The following ZPBP variants were observed in gnomAD, a reference collection of about 807,000 sequenced individuals.
ZPBP encodes zona pellucida-binding protein 1.
Under a neutral mutation model 44.8 loss-of-function variants are expected in ZPBP, and 26 were observed. That is an observed-to-expected ratio of 0.58 (90% CI 0.43 to 0.81). The LOEUF is 0.81. Ranked by LOEUF, ZPBP falls within the 30% of genes least tolerant of loss-of-function variation. The pLI, the probability that ZPBP is intolerant of heterozygous loss-of-function variation, is 0.00. For missense variants in ZPBP, 409 were observed against 434.0 expected, an observed-to-expected ratio of 0.94 and a Z score of 0.51; for synonymous variants, 174 against 153.2, an observed-to-expected ratio of 1.14 and a Z score of -1.00.
chr7:50,009,547 C>T (rs1742126962), intron 6 of ZPBP, among the ~76,000 whole-genome samples: 1 of 151,952 alleles, frequency 6.6e-6, no homozygotes, highest in East Asian at 1.9e-4. Flanking sequence ...GCCCCTATCT[C>T]TAGGGCTGGT....
chr7:49,966,777 G>A (rs572887866), intron 7 of ZPBP, among the ~76,000 whole-genome samples: 2 of 152,212 alleles, frequency 1.3e-5, no homozygotes, highest in Admixed American at 1.3e-4. Context: ...GATTAGTTTT[G>A]TGATTCACAG....
chr7:49,855,395 A>T (rs150822684), intron 2 of ZPBP, among the ~76,000 whole-genome samples: 1 of 151,978 alleles, frequency 6.6e-6, no homozygotes, highest in African/African-American at 2.4e-5. Context: ...CATGACAGGG[A>T]CCTTGTCAGC....
rs564418230 is a variant in ZPBP at position 49,931,289 on chromosome 7, G to A, written n.411+4462C>T. ...CGTGGAAGCTTTGGAACTAGGTAAC[G>A]GGCAGAGGTTGGGACAGTTTGGAGG... On this transcript the variant is annotated intron_variant and non_coding_transcript_variant, in intron 1 of 2. Coordinates refer to the ZPBP transcript ENST00000465922. Among the ~76,000 whole-genome samples, 7 of 152,304 alleles carry A rather than the reference G, an allele frequency of 4.6e-5. No homozygotes were observed. In the East Asian group the frequency reaches 9.6e-4, roughly 21 times the overall value.
intron 3 of ZPBP, among the ~76,000 whole-genome samples, chr7:50,067,275 C>A (rs1181930113): frequency 6.6e-6 from 1 of 152,174 alleles, no homozygotes; most frequent in Non-Finnish European, 1.5e-5. Context: ...TTTGGGGGCC[C>A]ATACAGCATT....
chr7:50,092,953 T>C, intron 1 of ZPBP, 115 bp downstream of exon 1: 9 of 1,407,368 alleles, frequency 6.4e-6, no homozygotes, highest in Non-Finnish European at 8.4e-6. Context: ...CACGTATTAG[T>C]GAGCAAGGTG....
intron 6 of ZPBP, among the ~76,000 whole-genome samples, chr7:49,986,818 C>T (rs1472409964): frequency 6.6e-6 from 1 of 152,140 alleles, no homozygotes; most frequent in Non-Finnish European, 1.5e-5. Context: ...GAGTGGTTCA[C>T]ATGTCTTTAC....
chr7:49,903,297 A>G (rs954580403), intron 1 of ZPBP, among the ~76,000 whole-genome samples: 1 of 152,206 alleles, frequency 6.6e-6, no homozygotes, highest in Non-Finnish European at 1.5e-5. Flanking sequence ...CACAGAAAAT[A>G]TTCAGCTTTA....
chr7:49,850,220 G>A (rs758420995), downstream of ZPBP, among the ~76,000 whole-genome samples: 11 of 152,158 alleles, frequency 7.2e-5, 1 homozygote, highest in Non-Finnish European at 1.5e-5. Flanking sequence ...ATCAATGAAG[G>A]TTTGACTGTA....
At chr7:50,001,916 A>AT (rs922994574) in intron 6 of ZPBP, among the ~76,000 whole-genome samples, 1 of 151,998 alleles carries the variant, frequency 6.6e-6, no homozygotes, top group African/African-American at 2.4e-5. Flanking sequence ...GTATGCATGT[A>AT]TTTTTTTTAC....
At chr7:49,872,915 C>CAAAAAAAAAAA (rs61473396) in intron 2 of ZPBP, among the ~76,000 whole-genome samples, 27 of 33,956 alleles carry the variant, frequency 8.0e-4, no homozygotes, top group Non-Finnish European at 1.1e-3. Flanking sequence ...GACTTTGTCT[C>CAAAAAAAAAAA]AAAAAAAAAA....
intron 4 of ZPBP, among the ~76,000 whole-genome samples, chr7:50,038,626 G>T (rs576513090): frequency 5.2e-4 from 79 of 152,196 alleles, no homozygotes; most frequent in Non-Finnish European, 1.0e-3. Context: ...ATACATCAGA[G>T]GCTTCACCTA....
chr7:49,940,640 T>C (rs1368292096), intron 7 of ZPBP: 6 of 437,248 alleles, frequency 1.4e-5, no homozygotes, highest in Non-Finnish European at 1.8e-5. Context: ...TCTACAGCAA[T>C]TAAGTTCTGA....
At chr7:49,845,151 C>G in the ZPBP span, among the ~76,000 whole-genome samples, 2 of 152,148 alleles carry the variant, frequency 1.3e-5, no homozygotes, top group South Asian at 2.1e-4. Context: ...GAAGGGAGAG[C>G]ATCAGGAAGA....
intron 7 of ZPBP, among the ~76,000 whole-genome samples, chr7:49,948,024 T>G (rs146810541): frequency 8.7e-4 from 132 of 152,320 alleles, no homozygotes; most frequent in African/African-American, 3.0e-3. Context: ...CAATGTTCAC[T>G]CGAGGCCCAA....
At chr7:50,039,546 A>G (rs1799972956) in intron 4 of ZPBP, among the ~76,000 whole-genome samples, 1 of 152,192 alleles carries the variant, frequency 6.6e-6, no homozygotes. Flanking sequence ...GAATTTATAT[A>G]TAACATATAA....
intron 7 of ZPBP, among the ~76,000 whole-genome samples, chr7:49,955,544 G>A (rs575694289): frequency 1.3e-5 from 2 of 151,888 alleles, no homozygotes; most frequent in African/African-American, 4.8e-5. Flanking sequence ...GCAAGAGAGC[G>A]AGACTCTGTC....
intron 3 of ZPBP, among the ~76,000 whole-genome samples, chr7:50,069,911 A>G (rs1801748711): frequency 2.0e-5 from 3 of 152,062 alleles, no homozygotes; most frequent in Non-Finnish European, 4.4e-5. Flanking sequence ...CTTGGAGCAC[A>G]CAGACCATGC....
chr7:49,946,570 T>G (rs1222243039), intron 7 of ZPBP, among the ~76,000 whole-genome samples: 1 of 152,142 alleles, frequency 6.6e-6, no homozygotes, highest in Non-Finnish European at 1.5e-5. Context: ...TGCTCACAAA[T>G]GTACTGGAGC....
chr7:49,892,197 A>C (rs2128731024), intron 2 of ZPBP, among the ~76,000 whole-genome samples: 1 of 151,182 alleles, frequency 6.6e-6, no homozygotes, highest in Non-Finnish European at 1.5e-5. Context: ...GGCGCCCACC[A>C]TCACGCCCGG....
Sources: gnomAD v4.1 joint callset for allele counts (sites outside exome capture counted in the v4.1 genomes callset) on GRCh38, gnomAD v4.1.1 for gene constraint, MANE v1.5 for transcripts, NCBI Gene and HGNC (gene_info 2026-07-23, HGNC 2026-07-21) for gene names.